The following PPFIA2 variants were observed in gnomAD, a reference collection of about 807,000 sequenced individuals.
PPFIA2 encodes PPFI scaffold protein A2, also known as liprin-alpha-2.
A neutral mutation model predicts 175.5 loss-of-function variants in PPFIA2; 46 were observed. The observed-to-expected ratio is 0.26, with a 90% confidence interval of 0.21 to 0.34. PPFIA2 has a LOEUF of 0.34. PPFIA2 is among the 10% of genes least tolerant of loss of function. PPFIA2 has a pLI of 1.00. For missense variants in PPFIA2, 1,179 were observed against 1,506.1 expected, an observed-to-expected ratio of 0.78 and a Z score of 3.60; for synonymous variants, 568 against 511.4, an observed-to-expected ratio of 1.11 and a Z score of -1.49.
intron 4 of PPFIA2, among the ~76,000 whole-genome samples, chr12:81,673,086 T>C (rs1723930742): frequency 6.6e-6 from 1 of 152,036 alleles, no homozygotes; most frequent in African/African-American, 2.4e-5. Context: ...ATCCTACCTG[T>C]TGACTTACAC....
At chr12:81,473,649 G>T (rs958711113) in intron 4 of PPFIA2, among the ~76,000 whole-genome samples, 1 of 151,954 alleles carries the variant, frequency 6.6e-6, no homozygotes, top group Non-Finnish European at 1.5e-5. Context: ...ACCCAAACTG[G>T]CACCCAAGAT....
chr12:81,701,109 G>A (rs1191018547), intron 3 of PPFIA2, among the ~76,000 whole-genome samples: 1 of 152,110 alleles, frequency 6.6e-6, no homozygotes, highest in Non-Finnish European at 1.5e-5. Context: ...GCACATACAG[G>A]TTATATGGCA....
At chr12:81,606,001 A>G (rs2060273509) in intron 4 of PPFIA2, among the ~76,000 whole-genome samples, 1 of 151,744 alleles carries the variant, frequency 6.6e-6, no homozygotes, top group South Asian at 2.1e-4. Context: ...CTACAGTGTC[A>G]ATTGCTCCTA....
intron 4 of PPFIA2, among the ~76,000 whole-genome samples, chr12:81,496,274 T>C (rs906431264): frequency 5.3e-5 from 8 of 152,180 alleles, no homozygotes; most frequent in African/African-American, 1.7e-4. Context: ...AAGTTTTAAA[T>C]TATCCACAAG....
chr12:81,467,126 G>C (rs761660263), intron 4 of PPFIA2, among the ~76,000 whole-genome samples: 2 of 151,792 alleles, frequency 1.3e-5, no homozygotes, highest in Non-Finnish European at 2.9e-5. Flanking sequence ...AAAAAAGAGA[G>C]AGTTCTACTA....
intron 4 of PPFIA2, among the ~76,000 whole-genome samples, chr12:81,654,799 T>C (rs2067525559): frequency 6.6e-6 from 1 of 152,114 alleles, no homozygotes; most frequent in Non-Finnish European, 1.5e-5. Flanking sequence ...GTCAATTTGT[T>C]ACGCAGCAAT....
chr12:81,353,186 G>A lies in PPFIA2; in HGVS notation c.1927C>T (p.His643Tyr). The A allele has an allele frequency of 6.2e-7, 1 of 1,613,810 alleles. No individual in the cohort carries two copies. The highest frequency in any genetic ancestry group is 2.2e-5 in the East Asian group (1 of 44,862). The change falls in exon 17 of 33, where the codon CAT (histidine) becomes TAT (tyrosine). Residue 643 changes from histidine (H) to tyrosine (Y), a missense_variant. His to Tyr is a moderately conservative substitution (Grantham distance 83, BLOSUM62 2). Around this residue, in one of 10 missense-constraint regions of PPFIA2, gnomAD observed 186 missense variants for 163.6 expected, o/e 1.14. Coordinates refer to ENST00000549396, the MANE Select transcript of PPFIA2 (RefSeq NM_003625.5). ...SSMDLLSPSG[H>Y]SDAQTLAMML... Reference sequence around the variant, plus strand: ...ATGGCTAGCGTCTGGGCATCGGAATGACCACTTGGAGAGAGAAGATCCATT... The same window carrying A: ...ATGGCTAGCGTCTGGGCATCGGAATAACCACTTGGAGAGAGAAGATCCATT...
At chr12:81,401,391 G>A (rs1324846573) in intron 8 of PPFIA2, among the ~76,000 whole-genome samples, 3 of 152,080 alleles carry the variant, frequency 2.0e-5, no homozygotes, top group Non-Finnish European at 2.9e-5. Flanking sequence ...CAGAGTCAGC[G>A]GTGTTAAGGG....
chr12:81,690,083 C>T (rs538598257), intron 3 of PPFIA2, among the ~76,000 whole-genome samples: 1 of 152,218 alleles, frequency 6.6e-6, no homozygotes, highest in South Asian at 2.1e-4. Context: ...CAGTACAGTA[C>T]CACTCAAAGC....
intron 11 of PPFIA2, among the ~76,000 whole-genome samples, chr12:81,371,540 C>T (rs1348149883): frequency 6.6e-6 from 1 of 151,214 alleles, no homozygotes; most frequent in Non-Finnish European, 1.5e-5. Context: ...TTTCTGTTTA[C>T]TTATTAAAAA....
At chr12:81,371,413 G>C (rs1459883972) in intron 11 of PPFIA2, among the ~76,000 whole-genome samples, 1 of 151,668 alleles carries the variant, frequency 6.6e-6, no homozygotes, top group Non-Finnish European at 1.5e-5. Flanking sequence ...CATGCAGTTA[G>C]TAGTGTTTAA....
At chr12:81,428,481 G>T (rs1341513082) in intron 7 of PPFIA2, among the ~76,000 whole-genome samples, 4 of 151,612 alleles carry the variant, frequency 2.6e-5, no homozygotes, top group African/African-American at 9.7e-5. Flanking sequence ...TTTTTTGTCT[G>T]GGAAAGATTC....
chr12:81,409,970 G>A (rs1435777524), intron 7 of PPFIA2, among the ~76,000 whole-genome samples: 1 of 152,102 alleles, frequency 6.6e-6, no homozygotes, highest in Non-Finnish European at 1.5e-5. Context: ...AGGGCTCAAT[G>A]TGATAGTTTT....
intron 4 of PPFIA2, among the ~76,000 whole-genome samples, chr12:81,554,233 T>C (rs1396110013): frequency 6.6e-6 from 1 of 152,042 alleles, no homozygotes; most frequent in Non-Finnish European, 1.5e-5. Flanking sequence ...TTTGTAGGAC[T>C]TGATCAGTTG....
At chr12:81,552,677 A>G (rs2068133331) in intron 4 of PPFIA2, among the ~76,000 whole-genome samples, 1 of 152,078 alleles carries the variant, frequency 6.6e-6, no homozygotes, top group Admixed American at 6.6e-5. Flanking sequence ...TTCCAAAATG[A>G]TAATAATTCA....
intron 7 of PPFIA2, among the ~76,000 whole-genome samples, chr12:81,429,077 A>G (rs967375877): frequency 2.6e-5 from 4 of 152,094 alleles, no homozygotes; most frequent in African/African-American, 9.6e-5. Flanking sequence ...CATGGAATTT[A>G]CTAATATGAT....
intron 14 of PPFIA2, among the ~76,000 whole-genome samples, chr12:81,366,053 T>TCCTTCCCTTC (rs991625613): frequency 1.6e-5 from 2 of 126,684 alleles, no homozygotes; most frequent in Admixed American, 8.8e-5. Context: ...CTCTTCCCTT[T>TCCTTCCCTTC]CCTTCCCTTC....
chr12:81,258,198 C>A lies in PPFIA2; in HGVS notation c.*1496G>T, dbSNP rs536114197. The A allele has an allele frequency of 6.6e-6, 1 of 152,208 alleles. No individual in the cohort carries two copies. The highest frequency in any genetic ancestry group is 2.1e-4 in the South Asian group (1 of 4,824). The allele number at this position is 152,208 out of a possible 1,614,324, so 9.4% of individuals were successfully genotyped here. ...AAATATTTGGGTCACCCAAAGAACA[C>A]ATTTCCTGATAGTTTAAGTAAATTG... On this transcript the variant is annotated 3_prime_UTR_variant, in exon 33 of 33. Transcript: ENST00000549396.
chr12:81,396,857 T>C (rs1425008800), intron 8 of PPFIA2, among the ~76,000 whole-genome samples: 1 of 152,008 alleles, frequency 6.6e-6, no homozygotes, highest in Non-Finnish European at 1.5e-5. Context: ...GAGTGATCAA[T>C]GGAAGTGGTA....
Sources: gnomAD v4.1 joint callset for allele counts (sites outside exome capture counted in the v4.1 genomes callset) on GRCh38, gnomAD v4.1.1 for gene constraint, gnomAD v4.1.1 regional missense constraint, MANE v1.5 for transcripts, NCBI Gene and HGNC (gene_info 2026-07-23, HGNC 2026-07-21) for gene names.